The following EYA2 variants were observed in gnomAD, a reference collection of about 807,000 sequenced individuals.
EYA2 encodes EYA transcriptional coactivator and phosphatase 2.
In EYA2, 31 loss-of-function variants were observed where a neutral mutation model predicts 69.2. That is an observed-to-expected ratio of 0.45 (90% confidence interval 0.34 to 0.60). The LOEUF (loss-of-function observed/expected upper bound fraction) is 0.60. Among genes scored for constraint, EYA2 ranks in the 20% least tolerant of loss-of-function variants. EYA2 has a pLI of 0.02. For synonymous variants in EYA2, 257 were observed against 279.4 expected (o/e 0.92, Z 0.80); for missense variants, 622 against 701.2 (o/e 0.89, Z 1.28).
rs577197089 is a variant in EYA2, at chr20:46,971,260, A to G, written c.-10-18741A>G. Reference sequence around the variant, plus strand: ...TAACCTAGGAGTTTATTTCTCTCTCATCTAAGAGTCTGAGCAGCAGCTCTG... The same window carrying G: ...TAACCTAGGAGTTTATTTCTCTCTCGTCTAAGAGTCTGAGCAGCAGCTCTG... On this transcript the variant is annotated intron_variant, in intron 1 of 15. Transcript: ENST00000327619. Among the ~76,000 whole-genome samples the G allele has an allele frequency of 4.6e-5, 7 of 152,322 alleles. No homozygotes were observed. In the South Asian group the frequency reaches 1.0e-3, roughly 23 times the overall value.
At chr20:46,919,310 A>G (rs1053859433) in intron 1 of EYA2, among the ~76,000 whole-genome samples, 4 of 152,378 alleles carry the variant, frequency 2.6e-5, no homozygotes, top group African/African-American at 9.6e-5. Context: ...AAAGCCCTAG[A>G]TGGGATCTTC....
intron 3 of EYA2, among the ~76,000 whole-genome samples, chr20:47,003,153 G>C (rs1232685149): frequency 6.6e-6 from 1 of 152,206 alleles, no homozygotes; most frequent in Non-Finnish European, 1.5e-5. Context: ...ATAGTGGAGG[G>C]GTTGAGGGTG....
At position 47,001,437 on chromosome 20, in the gene EYA2, A is replaced by C. The variant is rs1318847865; in HGVS notation, c.119A>C (p.Lys40Thr). Residue 40 changes from lysine (K) to threonine (T), a missense_variant, in exon 3 of 16, where the codon AAA (lysine) becomes ACA (threonine). By Grantham distance (78) the Lys-to-Thr change is moderately conservative. Around this residue, in one of 2 missense-constraint regions of EYA2, gnomAD observed 365 missense variants for 349.7 expected, o/e 1.04. Coordinates refer to ENST00000327619, the MANE Select transcript of EYA2 (RefSeq NM_005244.5). The part of the protein sequence containing the change: ...WTLSDRQGIT[K>T]SAPLRVSQLF... Reference sequence around the variant, plus strand: ...TCTTTTTCTCCTGCAGGCATCACCAAATCGGCCCCCCTGAGAGTGTCCCAG... The same window carrying C: ...TCTTTTTCTCCTGCAGGCATCACCACATCGGCCCCCCTGAGAGTGTCCCAG... 3 of 1,614,046 alleles carry C rather than the reference A, an allele frequency of 1.9e-6. No individual in the cohort carries two copies. The highest frequency in any genetic ancestry group is 1.3e-5 in the African/African-American group (1 of 74,910).
At position 47,020,524 on chromosome 20, in the gene EYA2, A is replaced by AT. The variant is rs202002924; in HGVS notation, c.415+4235dup. Among the ~76,000 whole-genome samples, 1,493 of 151,392 alleles carry AT rather than the reference A, an allele frequency of 9.9e-3. 23 individuals carry two copies. The highest frequency in any genetic ancestry group is 0.034 in the African/African-American group (1,411 of 41,306). ...CTGAAGTGTGTTTCTTATGGGTTTGATTTTTTTTCTTTTTGGCTTCTTCTG... is the reference window on the plus strand; with the variant it reads ...CTGAAGTGTGTTTCTTATGGGTTTGATTTTTTTTTCTTTTTGGCTTCTTCTG... On this transcript the variant is annotated intron_variant, in intron 5 of 15. Transcript: ENST00000327619.
At chr20:47,068,149 A>G (rs2031183624) in intron 5 of EYA2, among the ~76,000 whole-genome samples, 1 of 152,242 alleles carries the variant, frequency 6.6e-6, no homozygotes, top group Non-Finnish European at 1.5e-5. Context: ...GGGAATGGCA[A>G]TTATATACCT....
intron 1 of EYA2, among the ~76,000 whole-genome samples, chr20:46,944,497 T>A (rs1978342273): frequency 6.6e-6 from 1 of 152,112 alleles, no homozygotes; most frequent in Non-Finnish European, 1.5e-5. Flanking sequence ...CACCAAGCAC[T>A]CAGGGCATGC....
At chr20:47,168,732 A>T (rs532732063) in intron 10 of EYA2, among the ~76,000 whole-genome samples, 2 of 152,274 alleles carry the variant, frequency 1.3e-5, no homozygotes, top group African/African-American at 4.8e-5. Context: ...AGCAGGGGGA[A>T]CACCTTTAGC....
chr20:47,061,559 A>G (rs765464968), intron 5 of EYA2, among the ~76,000 whole-genome samples: 4 of 152,002 alleles, frequency 2.6e-5, no homozygotes, highest in Admixed American at 6.6e-5. Flanking sequence ...CTCTTAATTC[A>G]TGTTTCCTGC....
intron 3 of EYA2, among the ~76,000 whole-genome samples, chr20:47,003,916 A>G (rs1257562377): frequency 1.3e-5 from 2 of 152,196 alleles, no homozygotes; most frequent in African/African-American, 4.8e-5. Flanking sequence ...ACCAGGAGAG[A>G]TAAGAGCCTC....
At chr20:47,121,729 C>T (rs1303960627) in intron 9 of EYA2, among the ~76,000 whole-genome samples, 1 of 152,146 alleles carries the variant, frequency 6.6e-6, no homozygotes, top group African/African-American at 2.4e-5. Context: ...CCTTGGTCTT[C>T]AACACGAACC....
At chr20:46,980,240 G>T (rs184390926) in intron 1 of EYA2, among the ~76,000 whole-genome samples, 1 of 152,316 alleles carries the variant, frequency 6.6e-6, no homozygotes, top group East Asian at 1.9e-4. Flanking sequence ...GCCAGTGCAT[G>T]CAGAGAGATT....
intron 1 of EYA2, among the ~76,000 whole-genome samples, chr20:46,942,800 C>T (rs1396897624): frequency 6.6e-6 from 1 of 152,212 alleles, no homozygotes; most frequent in Non-Finnish European, 1.5e-5. Flanking sequence ...GGGAGTCTTG[C>T]TGTCGCCTAG....
chr20:47,052,622 T>C (rs1438575345), intron 5 of EYA2, among the ~76,000 whole-genome samples: 1 of 152,136 alleles, frequency 6.6e-6, no homozygotes, highest in Non-Finnish European at 1.5e-5. Context: ...TTCTTTCTTT[T>C]TATCTTTTTT....
chr20:47,099,257 C>T (rs950121142), intron 9 of EYA2, among the ~76,000 whole-genome samples: 6 of 152,214 alleles, frequency 3.9e-5, no homozygotes, highest in Admixed American at 1.3e-4. Flanking sequence ...CCCAAGAAGC[C>T]GCAGAGGGCA....
At chr20:47,032,257 C>CT (rs989134586) in intron 5 of EYA2, among the ~76,000 whole-genome samples, 8 of 152,232 alleles carry the variant, frequency 5.3e-5, no homozygotes, top group African/African-American at 1.9e-4. Context: ...TTATGTGCTT[C>CT]TTTCCCTGGG....
At chr20:47,027,408 G>A (rs1045524189) in intron 5 of EYA2, among the ~76,000 whole-genome samples, 18 of 152,194 alleles carry the variant, frequency 1.2e-4, no homozygotes, top group African/African-American at 4.3e-4. Context: ...TGAAGTGGGT[G>A]AAGTTTCCCC....
intron 1 of EYA2, among the ~76,000 whole-genome samples, chr20:46,911,527 A>T (rs1568663243): frequency 6.6e-6 from 1 of 152,218 alleles, no homozygotes; most frequent in Non-Finnish European, 1.5e-5. Context: ...TTGAGATGTT[A>T]TAGAAGGAAT....
intron 5 of EYA2, among the ~76,000 whole-genome samples, chr20:47,047,404 T>TTTTTTTTTTTTA (rs2030099504): frequency 6.6e-6 from 1 of 152,096 alleles, no homozygotes; most frequent in African/African-American, 2.4e-5. Context: ...CTCTTTTTTT[T>TTTTTTTTTTTTA]GAGACAAAGT....
At chr20:47,077,232 A>G (rs1480588278) in intron 7 of EYA2, among the ~76,000 whole-genome samples, 1 of 152,230 alleles carries the variant, frequency 6.6e-6, no homozygotes, top group African/African-American at 2.4e-5. Context: ...GGCAGAGTCC[A>G]TGTCCTGACC....
Sources: allele counts gnomAD v4.1 joint callset (sites outside exome capture counted in the v4.1 genomes callset), GRCh38; gene constraint gnomAD v4.1.1; regional missense constraint gnomAD v4.1.1; transcripts MANE v1.5; gene names NCBI Gene and HGNC (gene_info 2026-07-23, HGNC 2026-07-21).